The following SLC25A26 variants were observed in gnomAD, a reference collection of about 807,000 sequenced individuals.
SLC25A26 encodes the protein mitochondrial S-adenosylmethionine carrier protein.
In SLC25A26, 36 loss-of-function variants were observed where a neutral mutation model predicts 37.8. That is an observed-to-expected ratio of 0.95 (90% confidence interval 0.73 to 1.26). The LOEUF (loss-of-function observed/expected upper bound fraction) is 1.26. Among genes scored for constraint, SLC25A26 ranks in the 50% most tolerant of loss-of-function variants. The pLI, the probability that SLC25A26 is intolerant of heterozygous loss-of-function variation, is 0.00. For missense variants in SLC25A26, 390 were observed against 331.1 expected, an observed-to-expected ratio of 1.18 and a Z score of -1.38; for synonymous variants, 129 against 122.5, an observed-to-expected ratio of 1.05 and a Z score of -0.35.
intron 1 of SLC25A26, among the ~76,000 whole-genome samples, chr3:66,167,625 G>C (rs2070442489): frequency 6.6e-6 from 1 of 152,176 alleles, no homozygotes; most frequent in Non-Finnish European, 1.5e-5. Flanking sequence ...CTACACAAAA[G>C]ATGCAGTAAT....
rs2075431704 is a variant in SLC25A26, at chr3:66,313,163, A to G, written c.454-33201A>G. 3.9e-5 allele frequency among the ~76,000 whole-genome samples: 6 copies of G among 152,134 alleles called. No homozygotes were observed. The South Asian group carries it at 1.2e-3, about 32-fold the overall frequency. On this transcript the variant is annotated intron_variant, in intron 5 of 9. Coordinates refer to ENST00000354883, the MANE Select transcript of SLC25A26 (RefSeq NM_001379210.1). ...CCATTTATCAATTTTTGCTTTTGTTACTATTGCTTTTGGCGATTTTGTGAT... is the reference window on the plus strand; with the variant it reads ...CCATTTATCAATTTTTGCTTTTGTTGCTATTGCTTTTGGCGATTTTGTGAT...
At chr3:66,302,958 C>T (rs1467124974) in intron 5 of SLC25A26, among the ~76,000 whole-genome samples, 1 of 152,086 alleles carries the variant, frequency 6.6e-6, no homozygotes, top group Non-Finnish European at 1.5e-5. Context: ...GTTTAAGGGG[C>T]TGTGGATTGT....
At chr3:66,147,536 C>T (rs373709039) in intron 1 of SLC25A26, among the ~76,000 whole-genome samples, 19 of 152,056 alleles carry the variant, frequency 1.2e-4, no homozygotes, top group East Asian at 5.9e-4. Flanking sequence ...GTGGACTGTG[C>T]GGCTATAAAT....
intron 5 of SLC25A26, among the ~76,000 whole-genome samples, chr3:66,291,481 C>T (rs1365525908): frequency 6.6e-6 from 1 of 152,158 alleles, no homozygotes; most frequent in Non-Finnish European, 1.5e-5. Context: ...TTAGCTGTGT[C>T]CCAGAGATTC....
At chr3:66,173,871 T>C (rs192728734) in intron 1 of SLC25A26, among the ~76,000 whole-genome samples, 75 of 151,690 alleles carry the variant, frequency 4.9e-4, no homozygotes, top group African/African-American at 1.7e-3. Flanking sequence ...GCCAATATGG[T>C]GTAACCCTGT....
At chr3:66,161,778 A>C (rs1305078610) in intron 1 of SLC25A26, among the ~76,000 whole-genome samples, 1 of 152,222 alleles carries the variant, frequency 6.6e-6, no homozygotes, top group Non-Finnish European at 1.5e-5. Context: ...TTCATGGTGC[A>C]GAGAGACACA....
chr3:66,172,809 T>C (rs890047363), intron 1 of SLC25A26, among the ~76,000 whole-genome samples: 4 of 152,200 alleles, frequency 2.6e-5, no homozygotes, highest in African/African-American at 7.2e-5. Context: ...CATGTTCACA[T>C]GGTGCTCTTC....
chr3:66,140,403 G>A (rs1191433333), intron 1 of SLC25A26, among the ~76,000 whole-genome samples: 1 of 152,108 alleles, frequency 6.6e-6, no homozygotes, highest in Admixed American at 6.6e-5. Context: ...CTAGGAGAGG[G>A]TGGCTCCTCA....
At chr3:66,289,566 T>G (rs1197927177) in intron 5 of SLC25A26, among the ~76,000 whole-genome samples, 1 of 152,232 alleles carries the variant, frequency 6.6e-6, no homozygotes, top group Non-Finnish European at 1.5e-5. Flanking sequence ...CCAACACCAT[T>G]TACTAAGTAG....
At chr3:66,334,267 A>C (rs1349509054) in intron 5 of SLC25A26, among the ~76,000 whole-genome samples, 1 of 152,116 alleles carries the variant, frequency 6.6e-6, no homozygotes, top group Admixed American at 6.5e-5. Flanking sequence ...TAGCCAATGG[A>C]GTATGAGTGG....
chr3:66,222,275 G>C lies in SLC25A26; in HGVS notation c.33+1148G>C, dbSNP rs573413097. Among the ~76,000 whole-genome samples the C allele has an allele frequency of 5.9e-5, 9 of 151,878 alleles. No individual in the cohort carries two copies. In the East Asian group the frequency reaches 1.7e-3, roughly 29 times the overall value. On this transcript the variant is annotated intron_variant, in intron 1 of 9. Transcript: ENST00000354883. ...GGCTCACTGCAGGCTCCACCTCTCG[G>C]GTTCACGCCATTCTCCTGCCTCAGC...
At chr3:66,274,625 A>G (rs1229878697) in intron 5 of SLC25A26, among the ~76,000 whole-genome samples, 24 of 152,266 alleles carry the variant, frequency 1.6e-4, no homozygotes, top group Non-Finnish European at 3.2e-4. Flanking sequence ...GAAGACATTT[A>G]TGCAGCCAAA....
At chr3:66,202,383 C>G (rs978976891) in intron 1 of SLC25A26, among the ~76,000 whole-genome samples, 1 of 151,824 alleles carries the variant, frequency 6.6e-6, no homozygotes, top group Non-Finnish European at 1.5e-5. Context: ...TGCAAGGGGA[C>G]GGATAGCATT....
chr3:66,182,715 GC>G (rs1337111463), intron 1 of SLC25A26, among the ~76,000 whole-genome samples: 4 of 94,596 alleles, frequency 4.2e-5, no homozygotes, highest in Admixed American at 1.2e-4. Context: ...GCAGTGGGCG[GC>G]GGGGGGGGGG....
chr3:66,346,107 A>T (rs890030394), intron 5 of SLC25A26, among the ~76,000 whole-genome samples: 2 of 152,130 alleles, frequency 1.3e-5, no homozygotes, highest in Non-Finnish European at 2.9e-5. Context: ...AGGTGGGAAA[A>T]TCTCGTGAGC....
intron 1 of SLC25A26, among the ~76,000 whole-genome samples, chr3:66,179,374 C>G (rs1010558828): frequency 6.6e-6 from 1 of 152,208 alleles, no homozygotes; most frequent in Non-Finnish European, 1.5e-5. Flanking sequence ...TATCTTCAGA[C>G]ACTCAGAAGT....
intron 5 of SLC25A26, among the ~76,000 whole-genome samples, chr3:66,328,316 T>C (rs1344730429): frequency 6.6e-6 from 1 of 152,206 alleles, no homozygotes; most frequent in Non-Finnish European, 1.5e-5. Context: ...CTTTCCCCGA[T>C]AACTTGATTT....
chr3:66,299,184 G>A lies in SLC25A26; in HGVS notation c.453+35805G>A, dbSNP rs74412572. Among the ~76,000 whole-genome samples the A allele has an allele frequency of 8.5e-5, 13 of 152,232 alleles. No individual in the cohort carries two copies. The East Asian group carries it at 2.5e-3, about 29-fold the overall frequency. ...CCCATTTCCATGTATGTATTTAAAA[G>A]AATACATACAACAAACTTTTTTTTT... On this transcript the variant is annotated intron_variant, in intron 5 of 9. Transcript: ENST00000354883.
intron 5 of SLC25A26, among the ~76,000 whole-genome samples, chr3:66,314,791 C>T (rs1301297331): frequency 1.3e-5 from 2 of 150,904 alleles, no homozygotes; most frequent in Non-Finnish European, 1.5e-5. Flanking sequence ...ATTACTGCCT[C>T]AATTTCAGAA....
Sources: gnomAD v4.1 joint callset for allele counts (sites outside exome capture counted in the v4.1 genomes callset) on GRCh38, gnomAD v4.1.1 for gene constraint, MANE v1.5 for transcripts, NCBI Gene and HGNC (gene_info 2026-07-23, HGNC 2026-07-21) for gene names.